The following TNS1 variants were observed in gnomAD, a reference collection of about 807,000 sequenced individuals.
The protein encoded by TNS1 is tensin-1.
Under a neutral mutation model 168.6 loss-of-function variants are expected in TNS1, and 62 were observed. The observed-to-expected ratio is 0.37, with a 90% CI of 0.30 to 0.45. The LOEUF is 0.45. Among genes scored for constraint, TNS1 ranks in the 20% least tolerant of loss-of-function variants. The pLI is 1.00. For missense variants in TNS1, 2,240 were observed against 2,339.4 expected, an observed-to-expected ratio of 0.96 and a Z score of 0.88; for synonymous variants, 934 against 933.2, an observed-to-expected ratio of 1.00 and a Z score of -0.02.
Position 217,837,546 on chromosome 2 carries a change from G to A in TNS1, c.3008-1335C>T, listed in dbSNP as rs932002652. ...GGGCTCCCATAATCGGGGGTGGGGG[G>A]CGCATCAGGAGAGCAGCAGGACTGG... On this transcript the variant is annotated intron_variant, in intron 19 of 32. Transcript: ENST00000682258. Among the ~76,000 whole-genome samples, 6 of 152,226 alleles carry A rather than the reference G, an allele frequency of 3.9e-5. No individual in the cohort carries two copies. In the East Asian group the frequency reaches 1.2e-3, roughly 29 times the overall value.
intron 18 of TNS1, among the ~76,000 whole-genome samples, chr2:217,863,374 T>C (rs1355857796): frequency 1.3e-5 from 2 of 152,124 alleles, no homozygotes; most frequent in Non-Finnish European, 2.9e-5. Flanking sequence ...CTGGAGGAAA[T>C]ACTACTGGTG....
intron 19 of TNS1, among the ~76,000 whole-genome samples, chr2:217,846,633 C>G (rs1946682796): frequency 1.3e-5 from 2 of 152,222 alleles, no homozygotes; most frequent in South Asian, 4.1e-4. Flanking sequence ...GTTTTCCTGC[C>G]AAGTTCAGCC....
chr2:217,982,026 G>A (rs1040782915), intron 2 of TNS1, among the ~76,000 whole-genome samples: 3 of 152,256 alleles, frequency 2.0e-5, no homozygotes, highest in Non-Finnish European at 4.4e-5. Context: ...AGAAATGACA[G>A]TGTGTGACTT....
Position 217,847,857 on chromosome 2 carries a change from G to C in TNS1, c.2660C>G (p.Ser887Cys). The C allele has an allele frequency of 6.3e-7, 1 of 1,582,960 alleles. No homozygotes were observed. The highest frequency in any genetic ancestry group is 8.7e-7 in the Non-Finnish European group (1 of 1,155,564). ...SSRQSHPLTQ[S>C]RSGYIPSGHS... ...CCCACTGGGGATATAGCCAGATCTG[G>C]ACTGGGTCAGTGGATGGGACTGACG... Residue 887 changes from serine to cysteine, a missense_variant, in exon 19 of 33, where the codon TCC becomes TGC. Physicochemically the swap from Ser to Cys is moderately radical, Grantham distance 112. Coordinates refer to ENST00000682258, the MANE Select transcript of TNS1 (RefSeq NM_001387777.1).
chr2:217,989,452 G>C (rs971877627), intron 2 of TNS1, among the ~76,000 whole-genome samples: 1 of 152,142 alleles, frequency 6.6e-6, no homozygotes, highest in Admixed American at 6.5e-5. Context: ...AGCTGTCCTT[G>C]GGAGGCCCTG....
At position 217,995,815 on chromosome 2, in the gene TNS1, G is replaced by A. The variant is rs1421993895; in HGVS notation, c.34-4759C>T. 2.0e-5 allele frequency among the ~76,000 whole-genome samples: 3 copies of A among 152,182 alleles called. No individual in the cohort carries two copies. Among genetic ancestry groups the A allele is most frequent in the African/African-American group, 7.2e-5 (3 of 41,446 alleles). The stretch of plus-strand genomic sequence containing the variant: ...CTCAAGAGCCAGGGCCCAGGAAAGG[G>A]GAAGGGCTCCAGCCTATAAGTCCTT... On this transcript the variant is annotated intron_variant, in intron 1 of 32. Coordinates refer to ENST00000682258, the MANE Select transcript of TNS1 (RefSeq NM_001387777.1). This position sits in a 1 kb window ranked among gnomAD's most constrained non-coding sequence, Gnocchi z 4.1.
chr2:218,017,784 G>A (rs936169889), intron 1 of TNS1, among the ~76,000 whole-genome samples: 5 of 152,192 alleles, frequency 3.3e-5, no homozygotes, highest in Non-Finnish European at 7.3e-5. Flanking sequence ...CTGATTCATC[G>A]AGGTACCCTC....
At chr2:217,906,707 G>A (rs1471896242) in intron 5 of TNS1, among the ~76,000 whole-genome samples, 1 of 152,074 alleles carries the variant, frequency 6.6e-6, no homozygotes, top group Non-Finnish European at 1.5e-5. Flanking sequence ...TTGAACCGAA[G>A]TCCTTCATCT....
chr2:217,913,552 C>CATCT (rs1954667635), intron 4 of TNS1, among the ~76,000 whole-genome samples: 1 of 152,136 alleles, frequency 6.6e-6, no homozygotes, highest in Admixed American at 6.5e-5. Context: ...CCACACTGAG[C>CATCT]ATCTATACCA....
chr2:217,800,161 C>T lies in TNS1; in HGVS notation c.*4298G>A, dbSNP rs967564779. ...GCACACACTGATGTGCTCTCACACA[C>T]ACGCACAAACAAAACACAGACACAG... is the stretch of plus-strand genomic sequence containing the variant. On this transcript the variant is annotated 3_prime_UTR_variant, in exon 33 of 33. Coordinates refer to ENST00000682258, the MANE Select transcript of TNS1 (RefSeq NM_001387777.1). The T allele has an allele frequency of 3.3e-5, 5 of 152,334 alleles. No homozygotes were observed. The highest frequency in any genetic ancestry group is 1.2e-4 in the African/African-American group (5 of 41,456). 9.4% of individuals were successfully genotyped at this position (152,334 alleles called of 1,614,324 possible). A position where few individuals can be genotyped will look rare whatever the true frequency, so the allele number is the denominator to read the frequency against.
intron 1 of TNS1, among the ~76,000 whole-genome samples, chr2:218,023,567 C>T (rs1958827864): frequency 6.6e-6 from 1 of 152,134 alleles, no homozygotes; most frequent in Admixed American, 6.5e-5. Flanking sequence ...CTCAAAGGCC[C>T]CTTCCAGAAA....
rs1251485176 is a variant in TNS1 at position 217,893,508 on chromosome 2, G to A, written c.648C>T (p.Cys216=). 6.2e-7 allele frequency: 1 copy of A among 1,613,548 alleles called. No individual in the cohort carries two copies. The highest frequency in any genetic ancestry group is 8.5e-7 in the Non-Finnish European group (1 of 1,179,812). The change falls in exon 10 of 33, where the codon TGC becomes TGT. Residue 216 remains cysteine (C), a synonymous_variant. Coordinates refer to ENST00000682258, the MANE Select transcript of TNS1 (RefSeq NM_001387777.1). The stretch of plus-strand genomic sequence containing the variant: ...ATGTGTCCATGGCCTTACAGATGCT[G>A]CAGATCTTCTCCAGGGCTGGGGTGT... ...DLHTPALEKI[C]SICKAMDTWL... is the part of the protein sequence containing the mutation.
chr2:217,804,334 A>C lies in TNS1; in HGVS notation c.*125T>G. On this transcript the variant is annotated 3_prime_UTR_variant, in exon 33 of 33. Coordinates refer to ENST00000682258, the MANE Select transcript of TNS1 (RefSeq NM_001387777.1). The stretch of plus-strand genomic sequence containing the variant: ...ATTCACTTCCCTCTCCCCACGTTGC[A>C]CTTTCTTCTCTCCTCCGAAATTGGC... The C allele has an allele frequency of 8.5e-7, 1 of 1,181,720 alleles. No individual in the cohort carries two copies. Among genetic ancestry groups the C allele is most frequent in the Non-Finnish European group, 1.2e-6 (1 of 841,054 alleles). The allele number at this position is 1,181,720 out of a possible 1,614,324, so 73.2% of individuals were successfully genotyped here.
rs549473843 is a variant in TNS1, at chr2:217,960,538, G to T, written c.186+18227C>A. 9.2e-5 allele frequency among the ~76,000 whole-genome samples: 14 copies of T among 152,214 alleles called. No individual in the cohort carries two copies. In the South Asian group the frequency reaches 2.7e-3, roughly 29 times the overall value. The stretch of plus-strand genomic sequence containing the variant: ...TTAGAGGGCACAGATGGCCCATGCT[G>T]TTTTCCACAGGTCCATGCCAGGCAG... On this transcript the variant is annotated intron_variant, in intron 3 of 32. Transcript: ENST00000682258.
At chr2:217,881,171 C>G in intron 17 of TNS1, 157 bp from the exon 18 acceptor site, 1 of 610,670 alleles carries the variant, frequency 1.6e-6, no homozygotes, top group Non-Finnish European at 2.9e-6. Context: ...GGACCAGTGG[C>G]TTAAGCTGGA....
intron 3 of TNS1, among the ~76,000 whole-genome samples, chr2:217,959,557 G>A (rs556039744): frequency 7.3e-5 from 11 of 151,486 alleles, no homozygotes; most frequent in Admixed American, 3.9e-4. Flanking sequence ...CCTTAGCATG[G>A]AACCTTAGCA....
rs1177623008 is a variant in TNS1, at chr2:217,995,116, C to T, written c.34-4060G>A. On this transcript the variant is annotated intron_variant, in intron 1 of 32. Coordinates refer to ENST00000682258, the MANE Select transcript of TNS1 (RefSeq NM_001387777.1). This position sits in a 1 kb window ranked among gnomAD's most constrained non-coding sequence, Gnocchi z 4.1. Reference sequence around the variant, plus strand: ...GAGTGGAATGAATGAGGAGACATCACTCCTCCAAGGAGGAGGCTGTGAAAC... The same window carrying T: ...GAGTGGAATGAATGAGGAGACATCATTCCTCCAAGGAGGAGGCTGTGAAAC... Among the ~76,000 whole-genome samples, 5 of 152,174 alleles carry T rather than the reference C, an allele frequency of 3.3e-5. No homozygotes were observed. Among genetic ancestry groups the T allele is most frequent in the Non-Finnish European group, 1.5e-5 (1 of 68,032 alleles).
intron 18 of TNS1, among the ~76,000 whole-genome samples, chr2:217,853,214 G>C: frequency 6.6e-6 from 1 of 152,226 alleles, no homozygotes; most frequent in Admixed American, 6.5e-5. Flanking sequence ...AGAGACGGGG[G>C]CAGAGAGGAC....
intron 18 of TNS1, among the ~76,000 whole-genome samples, chr2:217,876,421 C>T (rs7423039): frequency 3.0e-4 from 46 of 152,246 alleles, no homozygotes; most frequent in African/African-American, 1.0e-3. Context: ...AGCACTGAGC[C>T]GGCAGGCTCC....
Sources: allele counts gnomAD v4.1 joint callset (sites outside exome capture counted in the v4.1 genomes callset), GRCh38; gene constraint gnomAD v4.1.1; non-coding constraint Gnocchi (gnomAD v3.1); transcripts MANE v1.5; gene names NCBI Gene and HGNC (gene_info 2026-07-23, HGNC 2026-07-21).